PLCXD3: variants seen among roughly 807,000 people sequenced by gnomAD.
PLCXD3 encodes PI-PLC X domain-containing protein 3.
PLCXD3 carries 19 observed loss-of-function variants against 25.5 expected under a neutral mutation model. The ratio of observed to expected loss-of-function variants is 0.75; its 90% confidence interval spans 0.52 to 1.09. PLCXD3 has a LOEUF of 1.09. Ranked by LOEUF, PLCXD3 falls within the 50% of genes least tolerant of loss-of-function variation. The probability of loss-of-function intolerance (pLI) is 0.00; values close to 1 mark genes in which losing one functional copy is unlikely to be tolerated. For missense variants in PLCXD3, 411 were observed against 388.1 expected (o/e 1.06, Z -0.50); for synonymous variants, 174 against 137.6 (o/e 1.26, Z -1.85).
chr5:41,311,197 A>G lies in PLCXD3; in HGVS notation c.*2420T>C, dbSNP rs1743129170. 1 of 152,142 alleles carries G rather than the reference A, an allele frequency of 6.6e-6. No individual in the cohort carries two copies. Among genetic ancestry groups the G allele is most frequent in the Non-Finnish European group, 1.5e-5 (1 of 68,022 alleles). 9.4% of individuals were successfully genotyped at this position (152,142 alleles called of 1,614,324 possible). ...AGCCAGTTAGAGAGAAAGTCTGCCC[A>G]AAAACCAAATTTACGGGACATACAT... On this transcript the variant is annotated 3_prime_UTR_variant, in exon 3 of 3. Transcript: ENST00000377801.
At chr5:41,388,384 A>T (rs1053034269) in intron 1 of PLCXD3, among the ~76,000 whole-genome samples, 1 of 152,070 alleles carries the variant, frequency 6.6e-6, no homozygotes, top group Non-Finnish European at 1.5e-5. Flanking sequence ...ATAAAAATTA[A>T]GCATTAATAA....
At chr5:41,383,160 T>C (rs1262435707) in intron 1 of PLCXD3, among the ~76,000 whole-genome samples, 2 of 152,140 alleles carry the variant, frequency 1.3e-5, no homozygotes, top group African/African-American at 4.8e-5. Flanking sequence ...TCAAGTACTT[T>C]TCACATATTG....
At chr5:41,405,150 C>T (rs1328762198) in intron 1 of PLCXD3, among the ~76,000 whole-genome samples, 1 of 152,078 alleles carries the variant, frequency 6.6e-6, no homozygotes, top group Admixed American at 6.6e-5. Flanking sequence ...GCAAACATAC[C>T]TTCCACCTAT....
chr5:41,472,776 A>G (rs777999920), intron 1 of PLCXD3, among the ~76,000 whole-genome samples: 3 of 152,242 alleles, frequency 2.0e-5, no homozygotes, highest in Admixed American at 1.3e-4. Flanking sequence ...AAATTGCTCA[A>G]TACTCAGGGG....
intron 1 of PLCXD3, among the ~76,000 whole-genome samples, chr5:41,444,396 A>G (rs1333068418): frequency 3.9e-5 from 6 of 152,226 alleles, no homozygotes; most frequent in African/African-American, 1.4e-4. Context: ...GGGTTGGGCT[A>G]GAGGGGCTCA....
At chr5:41,353,101 T>TC (rs1266107816) in intron 2 of PLCXD3, among the ~76,000 whole-genome samples, 1 of 151,518 alleles carries the variant, frequency 6.6e-6, no homozygotes, top group African/African-American at 2.4e-5. Context: ...AGCTTTTTTT[T>TC]TTTTTTTTTG....
intron 1 of PLCXD3, among the ~76,000 whole-genome samples, chr5:41,403,638 A>G (rs1746269174): frequency 1.0e-5 from 1 of 97,210 alleles, no homozygotes; most frequent in Admixed American, 1.2e-4. Context: ...CCCACCTATG[A>G]GTGAGAATAT....
At chr5:41,334,652 CA>C (rs1451469605) in intron 2 of PLCXD3, among the ~76,000 whole-genome samples, 1 of 152,104 alleles carries the variant, frequency 6.6e-6, no homozygotes, top group Non-Finnish European at 1.5e-5. Flanking sequence ...CAAAATATGC[CA>C]TCCGTTTCCT....
At chr5:41,370,494 TGTTA>T (rs1298267984) in intron 2 of PLCXD3, among the ~76,000 whole-genome samples, 9 of 152,306 alleles carry the variant, frequency 5.9e-5, no homozygotes, top group African/African-American at 2.2e-4. Flanking sequence ...CCTAGAGTGA[TGTTA>T]GTTAGTTATT....
chr5:41,471,650 T>C (rs1748160319), intron 1 of PLCXD3, among the ~76,000 whole-genome samples: 1 of 152,166 alleles, frequency 6.6e-6, no homozygotes, highest in South Asian at 2.1e-4. Flanking sequence ...AAACTCACTG[T>C]AATAGTAAGT....
At position 41,351,496 on chromosome 5, in the gene PLCXD3, A is replaced by G. The variant is rs147296034; in HGVS notation, c.812+30330T>C. On this transcript the variant is annotated intron_variant, in intron 2 of 2. Coordinates refer to ENST00000377801, the MANE Select transcript of PLCXD3 (RefSeq NM_001005473.3). ...TGTGGGCTTGTGGCAGAACAAGGGC[A>G]GTTCAAATGGATTATCTCAGTCATA... 2.0e-5 allele frequency among the ~76,000 whole-genome samples: 3 copies of G among 152,294 alleles called. 1 individual carries two copies. Among genetic ancestry groups the G allele is most frequent in the Non-Finnish European group, 4.4e-5 (3 of 68,026 alleles).
chr5:41,427,599 C>G (rs1022297602), intron 1 of PLCXD3, among the ~76,000 whole-genome samples: 4 of 152,106 alleles, frequency 2.6e-5, no homozygotes, highest in African/African-American at 7.2e-5. Flanking sequence ...GCAGACTTAT[C>G]AGTCTGCTGC....
At chr5:41,337,862 T>G (rs1269576954) in intron 2 of PLCXD3, among the ~76,000 whole-genome samples, 1 of 152,118 alleles carries the variant, frequency 6.6e-6, no homozygotes, top group Admixed American at 6.6e-5. Flanking sequence ...GGAGAGAAAT[T>G]TTAAGTCAAT....
intron 1 of PLCXD3, among the ~76,000 whole-genome samples, chr5:41,435,328 C>T (rs1323465831): frequency 6.6e-6 from 1 of 152,152 alleles, no homozygotes; most frequent in African/African-American, 2.4e-5. Context: ...CCCCTTTTGG[C>T]TCTGTAAGTA....
Position 41,457,770 on chromosome 5 carries a change from A to C in PLCXD3, c.103+52654T>G, listed in dbSNP as rs1227235487. ...ATGAAAACTCATACCATAACAGGTC[A>C]CCCGTTAGAACAGGTCAATGGAGAA... On this transcript the variant is annotated intron_variant, in intron 1 of 2. Coordinates refer to ENST00000377801, the MANE Select transcript of PLCXD3 (RefSeq NM_001005473.3). 2.6e-5 allele frequency among the ~76,000 whole-genome samples: 4 copies of C among 151,922 alleles called. No homozygotes were observed. In the East Asian group the frequency reaches 7.8e-4, roughly 29 times the overall value.
rs558328290 is a variant in PLCXD3 at position 41,433,375 on chromosome 5, C to T, written c.104-50841G>A. Among the ~76,000 whole-genome samples, 7 of 152,218 alleles carry T rather than the reference C, an allele frequency of 4.6e-5. No homozygotes were observed. In the South Asian group the frequency reaches 1.2e-3, roughly 27 times the overall value. ...TCATTAAATGATATTTATGACTTTC[C>T]CTCTTGCCCCTTTTTTTTCTATTCA... On this transcript the variant is annotated intron_variant, in intron 1 of 2. Transcript: ENST00000377801.
chr5:41,401,697 T>C (rs1233978191), intron 1 of PLCXD3, among the ~76,000 whole-genome samples: 1 of 152,052 alleles, frequency 6.6e-6, no homozygotes, highest in Non-Finnish European at 1.5e-5. Flanking sequence ...ATGCATTATT[T>C]TCCTCTTAAA....
At chr5:41,405,303 T>C (rs2150501240) in intron 1 of PLCXD3, among the ~76,000 whole-genome samples, 1 of 152,214 alleles carries the variant, frequency 6.6e-6, no homozygotes, top group East Asian at 1.9e-4. Context: ...GCTTACCCTT[T>C]TGTCTTGCCA....
chr5:41,457,184 A>T lies in PLCXD3; in HGVS notation c.103+53240T>A, dbSNP rs553626325. 3.5e-4 allele frequency among the ~76,000 whole-genome samples: 53 copies of T among 152,084 alleles called. No individual in the cohort carries two copies. The South Asian group carries it at 5.4e-3, about 15-fold the overall frequency. Reference sequence around the variant, plus strand: ...GGATAATGAACTTAAGGAGCTGTTGACATCCATGTCGCCTGGTGTCCACAC... The same window carrying T: ...GGATAATGAACTTAAGGAGCTGTTGTCATCCATGTCGCCTGGTGTCCACAC... On this transcript the variant is annotated intron_variant, in intron 1 of 2. Coordinates refer to ENST00000377801, the MANE Select transcript of PLCXD3 (RefSeq NM_001005473.3).
Sources: allele counts gnomAD v4.1 joint callset (sites outside exome capture counted in the v4.1 genomes callset), GRCh38; gene constraint gnomAD v4.1.1; transcripts MANE v1.5; gene names NCBI Gene and HGNC (gene_info 2026-07-23, HGNC 2026-07-21).